Variants in GABRA3 observed in about 807,000 individuals in gnomAD.
GABRA3 encodes the protein gamma-aminobutyric acid receptor subunit alpha-3.
In GABRA3, 10 loss-of-function variants were observed where a neutral mutation model predicts 30.1. The ratio of observed to expected loss-of-function variants is 0.33; its 90% CI spans 0.20 to 0.56. The LOEUF (loss-of-function observed/expected upper bound fraction) is 0.56, where lower values mean the gene tolerates loss of function less well. Ranked by LOEUF, GABRA3 falls within the 20% of genes least tolerant of loss-of-function variation. The pLI, the probability that GABRA3 is intolerant of heterozygous loss-of-function variation, is 0.89. For missense variants in GABRA3, 233 were observed against 392.0 expected (o/e 0.59, Z 3.42); for synonymous variants, 151 against 146.8 (o/e 1.03, Z -0.21).
At chrX:152,384,146 T>A (rs1214565925) in intron 1 of GABRA3, among the ~76,000 whole-genome samples, 1 of 111,062 alleles carries the variant, frequency 9.0e-6, no homozygotes, top group East Asian at 2.8e-4. Flanking sequence ...AAAAATAATA[T>A]ATTTGGTGTA....
intron 3 of GABRA3, among the ~76,000 whole-genome samples, chrX:152,299,215 A>G (rs1317912286): frequency 9.8e-5 from 11 of 112,351 alleles, no homozygotes; most frequent in Admixed American, 9.5e-4. Context: ...TGAAGCCAGA[A>G]TTCTGAGTCT....
At chrX:152,277,404 C>T (rs760832017) in intron 4 of GABRA3, among the ~76,000 whole-genome samples, 2 of 111,244 alleles carry the variant, frequency 1.8e-5, no homozygotes, top group South Asian at 7.6e-4. Context: ...ATTTCCCAGG[C>T]TTCCATTTTA....
At chrX:152,314,783 C>T (rs942108825) in intron 3 of GABRA3, among the ~76,000 whole-genome samples, 5 of 111,808 alleles carry the variant, frequency 4.5e-5, no homozygotes, top group Admixed American at 9.5e-5. Context: ...TTCTATTTCA[C>T]GTCACAGTTT....
In GABRA3 at chrX:152,400,553, CTT is replaced by C. The variant is rs1273654916; in HGVS notation, c.-26-35959_-26-35958del. On this transcript the variant is annotated intron_variant, in intron 1 of 9. Transcript: ENST00000370314. ...TAAAATAACATTAAATAGTGGCTCT[CTT>C]AGTGTGGTAGCAAGATTTTGGTCCC... Among the ~76,000 whole-genome samples, 319 of 111,043 alleles carry C rather than the reference CTT, an allele frequency of 2.9e-3. 3 individuals are homozygous for C. Among genetic ancestry groups the C allele is most frequent in the African/African-American group, 0.01 (307 of 30,571 alleles).
chrX:152,337,812 C>G (rs1940256160), intron 3 of GABRA3, among the ~76,000 whole-genome samples: 1 of 111,950 alleles, frequency 8.9e-6, no homozygotes, highest in African/African-American at 3.2e-5. Context: ...GAGCAAGACC[C>G]TGCCTTACAA....
intron 1 of GABRA3, among the ~76,000 whole-genome samples, chrX:152,415,147 C>G (rs988945120): frequency 1.8e-5 from 2 of 110,752 alleles, no homozygotes; most frequent in Non-Finnish European, 3.8e-5. Flanking sequence ...AACTCTAATG[C>G]AAACTATATA....
chrX:152,392,148 T>C, intron 1 of GABRA3: 1 of 363,060 alleles, frequency 2.8e-6, no homozygotes, highest in Non-Finnish European at 5.6e-6. Flanking sequence ...ATGGATGTGA[T>C]ACAAGATTAG....
At chrX:152,366,149 T>C (rs184948489) in intron 1 of GABRA3, among the ~76,000 whole-genome samples, 5 of 111,661 alleles carry the variant, frequency 4.5e-5, no homozygotes, top group East Asian at 5.6e-4. Context: ...GTAACTTCCA[T>C]GGTAAGGGCA....
intron 2 of GABRA3, among the ~76,000 whole-genome samples, chrX:152,360,689 G>T (rs1483655520): frequency 2.7e-5 from 1 of 36,920 alleles, no homozygotes; most frequent in Admixed American, 4.4e-4. Context: ...CTAAAACTTA[G>T]AGTATAATAA....
intron 1 of GABRA3, among the ~76,000 whole-genome samples, chrX:152,439,838 C>T (rs1930875653): frequency 8.9e-6 from 1 of 111,893 alleles, no homozygotes; most frequent in African/African-American, 3.3e-5. Context: ...AGACTACATA[C>T]CAAATGTTTC....
intron 1 of GABRA3, among the ~76,000 whole-genome samples, chrX:152,397,782 C>A (rs1261747809): frequency 9.0e-6 from 1 of 111,662 alleles, no homozygotes; most frequent in Non-Finnish European, 1.9e-5. Context: ...TCTCTCAGAG[C>A]ACCATTTCTC....
At chrX:152,396,320 T>C (rs1221584744) in intron 1 of GABRA3, among the ~76,000 whole-genome samples, 1 of 112,160 alleles carries the variant, frequency 8.9e-6, no homozygotes, top group African/African-American at 3.2e-5. Flanking sequence ...TTAGAACTTT[T>C]AGCCTCCAGA....
intron 6 of GABRA3, among the ~76,000 whole-genome samples, chrX:152,221,986 G>A (rs970507789): frequency 9.0e-6 from 1 of 111,678 alleles, no homozygotes; most frequent in Non-Finnish European, 1.9e-5. Flanking sequence ...TTTTCTGTTC[G>A]TGTGTTAGCT....
intron 1 of GABRA3, among the ~76,000 whole-genome samples, chrX:152,428,088 T>C (rs1481326083): frequency 8.9e-6 from 1 of 112,612 alleles, no homozygotes; most frequent in Non-Finnish European, 1.9e-5. Flanking sequence ...ATGACGCCAC[T>C]TAGAGATTCA....
chrX:152,444,758 G>C (rs73241889), intron 1 of GABRA3, among the ~76,000 whole-genome samples: 1 of 59,123 alleles, frequency 1.7e-5, no homozygotes, highest in Non-Finnish European at 3.0e-5. Context: ...GTTTTTTTTT[G>C]TTTGTTTGTT....
chrX:152,247,354 T>G (rs1938475607), intron 5 of GABRA3, among the ~76,000 whole-genome samples: 1 of 111,592 alleles, frequency 9.0e-6, no homozygotes, highest in Non-Finnish European at 1.9e-5. Context: ...TTTTCCTGAG[T>G]TCCAGACCTG....
At chrX:152,204,660 T>G (rs1366106709) in intron 7 of GABRA3, among the ~76,000 whole-genome samples, 1 of 112,289 alleles carries the variant, frequency 8.9e-6, no homozygotes, top group Non-Finnish European at 1.9e-5. Context: ...GCTCAAAAAT[T>G]GATCATTAGT....
chrX:152,249,976 A>T (rs951216375), intron 5 of GABRA3, among the ~76,000 whole-genome samples: 1 of 110,995 alleles, frequency 9.0e-6, no homozygotes, highest in African/African-American at 3.3e-5. Flanking sequence ...ATGTCTCACA[A>T]AGAAGCATGG....
intron 6 of GABRA3, among the ~76,000 whole-genome samples, chrX:152,210,648 C>G (rs1045382319): frequency 2.8e-4 from 31 of 112,373 alleles, no homozygotes; most frequent in Admixed American, 2.5e-3. Context: ...TATATGACAT[C>G]TCACAAATTT....
Sources: allele counts gnomAD v4.1 joint callset (sites outside exome capture counted in the v4.1 genomes callset), GRCh38; gene constraint gnomAD v4.1.1; transcripts MANE v1.5; gene names NCBI Gene and HGNC (gene_info 2026-07-23, HGNC 2026-07-21).